The following CACNA1C variants were observed in gnomAD, a reference collection of about 807,000 sequenced individuals.
CACNA1C encodes the protein calcium voltage-gated channel subunit alpha1 C.
In CACNA1C, 30 loss-of-function variants were observed where a neutral mutation model predicts 229.0. That is an observed-to-expected ratio of 0.13 (90% CI 0.10 to 0.18). The LOEUF is 0.18. CACNA1C is among the 10% of genes least tolerant of loss of function. The pLI, the probability that CACNA1C is intolerant of heterozygous loss-of-function variation, is 1.00. For missense variants in CACNA1C, 1,658 were observed against 2,845.0 expected (o/e 0.58, Z 9.49); for synonymous variants, 1,114 against 1,132.5 (o/e 0.98, Z 0.33).
At chr12:2,364,503 G>C (rs2097669258) in intron 3 of CACNA1C, among the ~76,000 whole-genome samples, 1 of 152,186 alleles carries the variant, frequency 6.6e-6, no homozygotes, top group Admixed American at 6.5e-5. Context: ...AAGTTATGTT[G>C]TGGAAATGTG....
intron 42 of CACNA1C, chr12:2,680,662 G>T (rs1308932045): frequency 8.4e-7 from 1 of 1,186,720 alleles, no homozygotes. Context: ...TCCATCCAAG[G>T]AGCAGGCACA....
intron 9 of CACNA1C, among the ~76,000 whole-genome samples, chr12:2,540,201 G>A (rs944415683): frequency 2.0e-5 from 3 of 152,228 alleles, no homozygotes; most frequent in African/African-American, 2.4e-5. Flanking sequence ...CCAGGCCTGG[G>A]GAGAGGGAAG....
At position 1,990,750 on chromosome 12, in the gene CACNA1C, C is replaced by A. The variant is rs79382555; in HGVS notation, c.139+19549C>A. On this transcript the variant is annotated intron_variant, in intron 1 of 46. Transcript: ENST00000682462. ...ATCCTGAGTAAAGCTGAGTTCCTTGCCCAAAGAAAGGCCAACCAATCTATA... is the reference window on the plus strand; with the variant it reads ...ATCCTGAGTAAAGCTGAGTTCCTTGACCAAAGAAAGGCCAACCAATCTATA... Among the ~76,000 whole-genome samples the A allele has an allele frequency of 9.3e-3, 1,415 of 152,196 alleles. 16 individuals are homozygous for A. Among genetic ancestry groups the A allele is most frequent in the African/African-American group, 0.032 (1,332 of 41,518 alleles).
intron 1 of CACNA1C, among the ~76,000 whole-genome samples, chr12:2,039,070 A>C (rs2049642059): frequency 6.6e-6 from 1 of 152,252 alleles, no homozygotes. Flanking sequence ...GGTGCTGTGA[A>C]TATTGGTCTA....
At chr12:2,457,335 G>C (rs2099437833) in intron 4 of CACNA1C, among the ~76,000 whole-genome samples, 1 of 152,348 alleles carries the variant, frequency 6.6e-6, no homozygotes, top group East Asian at 1.9e-4. Context: ...CTGCCCCTCA[G>C]CTCGCTCAGG....
rs1048178316 is a variant in CACNA1C at position 2,694,332 on chromosome 12, T to C, written c.*3133T>C. 1 of 152,150 alleles carries C rather than the reference T, an allele frequency of 6.6e-6. No homozygotes were observed. Among genetic ancestry groups the C allele is most frequent in the African/African-American group, 2.4e-5 (1 of 41,424 alleles). 9.4% of individuals were successfully genotyped at this position (152,150 alleles called of 1,614,324 possible). On this transcript the variant is annotated 3_prime_UTR_variant, in exon 47 of 47. Coordinates refer to ENST00000399655, the MANE Select transcript of CACNA1C (RefSeq NM_000719.7). ...CTTGTAAAACATAATTGTCACATCT[T>C]CCATACCCCTCCTGACAGCCCCCAA...
chr12:2,438,195 C>T (rs1267694640), intron 3 of CACNA1C, among the ~76,000 whole-genome samples: 5 of 107,142 alleles, frequency 4.7e-5, no homozygotes, highest in Admixed American at 9.7e-5. Flanking sequence ...GGGATAATGA[C>T]GGCGATGGTG....
chr12:2,255,239 G>A (rs368517228), intron 3 of CACNA1C, among the ~76,000 whole-genome samples: 13 of 151,380 alleles, frequency 8.6e-5, no homozygotes, highest in Admixed American at 2.0e-4. Context: ...GTGAAATCAC[G>A]GTTATGGGAT....
intron 8 of CACNA1C, among the ~76,000 whole-genome samples, chr12:2,509,365 G>A (rs1424397583): frequency 2.6e-5 from 4 of 152,058 alleles, no homozygotes; most frequent in Non-Finnish European, 5.9e-5. Context: ...TATTCATGAC[G>A]GTTACATTCC....
At chr12:2,612,312 C>A (rs964508346) in intron 29 of CACNA1C, 2 of 339,556 alleles carry the variant, frequency 5.9e-6, no homozygotes, top group Non-Finnish European at 1.1e-5. Flanking sequence ...TGGTCTTTCT[C>A]CTATGTCCCA....
In CACNA1C at chr12:2,639,729, C is replaced by T. The variant is rs1459797610; in HGVS notation, c.3912+5349C>T. Among the ~76,000 whole-genome samples, 2 of 152,130 alleles carry T rather than the reference C, an allele frequency of 1.3e-5. No individual in the cohort carries two copies. The highest frequency in any genetic ancestry group is 3.2e-3 in the Middle Eastern group (1 of 316). On this transcript the variant is annotated intron_variant, in intron 30 of 46. Transcript: ENST00000399655. This position sits in a 1 kb window ranked among gnomAD's most constrained non-coding sequence, Gnocchi z 4.2. ...TGGGTTCTGAGGTGGTGTTTCCTGT[C>T]ATCAGGCGCCCATGGTGTCATGGGG...
rs534072278 is a variant in CACNA1C at position 2,602,964 on chromosome 12, T to A, written c.2960+1004T>A. ...TTTGGAGTTCAGGACATCATGACACTTGCTCAAGGTCACACCTGTGGTAGA... is the reference window on the plus strand; with the variant it reads ...TTTGGAGTTCAGGACATCATGACACATGCTCAAGGTCACACCTGTGGTAGA... On this transcript the variant is annotated intron_variant, in intron 22 of 46. Transcript: ENST00000399655. This position sits in a 1 kb window ranked among gnomAD's most constrained non-coding sequence, Gnocchi z 4.4. Among the ~76,000 whole-genome samples the A allele has an allele frequency of 2.0e-5, 3 of 152,298 alleles. No individual in the cohort carries two copies. In the South Asian group the frequency reaches 6.2e-4, roughly 32 times the overall value.
chr12:2,177,611 T>C (rs1377200029), intron 3 of CACNA1C, among the ~76,000 whole-genome samples: 43 of 108,512 alleles, frequency 4.0e-4, no homozygotes, highest in African/African-American at 1.4e-3. Context: ...CTTCCTTCCT[T>C]CCTTCCTTCC....
chr12:1,971,340 G>A lies in CACNA1C; in HGVS notation c.139+139G>A, dbSNP rs926886924. 17 of 427,358 alleles carry A rather than the reference G, an allele frequency of 4.0e-5. No homozygotes were observed. Among genetic ancestry groups the A allele is most frequent in the South Asian group, 5.0e-5 (2 of 39,910 alleles). 26.5% of individuals were successfully genotyped at this position (427,358 alleles called of 1,614,324 possible). Reference sequence around the variant, plus strand: ...ATTTAATCAGGATTTACCACACACCGTTGTAAAATTTTGCCTGTAACTGCA... The same window carrying A: ...ATTTAATCAGGATTTACCACACACCATTGTAAAATTTTGCCTGTAACTGCA... On this transcript the variant is annotated intron_variant, in intron 1 of 46. Transcript: ENST00000682462. This position sits in a 1 kb window ranked among gnomAD's most constrained non-coding sequence, Gnocchi z 4.2.
chr12:2,240,650 T>C (rs1422938659), intron 3 of CACNA1C, among the ~76,000 whole-genome samples: 3 of 152,188 alleles, frequency 2.0e-5, no homozygotes, highest in Non-Finnish European at 4.4e-5. Flanking sequence ...GTGCCTGATA[T>C]TGGTGACCTT....
intron 43 of CACNA1C, among the ~76,000 whole-genome samples, 189 bp downstream of exon 43, chr12:2,682,867 A>AC (rs1216971582): frequency 1.0e-3 from 3 of 2,858 alleles, no homozygotes; most frequent in South Asian, 0.045. Flanking sequence ...AACACACACA[A>AC]ACACACACAC....
At chr12:2,198,144 A>G (rs556291515) in intron 3 of CACNA1C, among the ~76,000 whole-genome samples, 35 of 152,302 alleles carry the variant, frequency 2.3e-4, no homozygotes, top group Admixed American at 5.2e-4. Context: ...TTGCATCCAA[A>G]GCTGTAGCAC....
At chr12:2,600,128 G>A (rs977483034) in intron 21 of CACNA1C, among the ~76,000 whole-genome samples, 3 of 152,170 alleles carry the variant, frequency 2.0e-5, no homozygotes, top group African/African-American at 7.2e-5. Context: ...AAGGTGGCTG[G>A]GGAAGTACTG....
Position 2,493,224 on chromosome 12 carries a change from G to A in CACNA1C, c.951G>A (p.Ala317=), listed in dbSNP as rs373875149. The A allele has an allele frequency of 1.2e-5, 19 of 1,613,834 alleles. No individual in the cohort carries two copies. The highest frequency in any genetic ancestry group is 6.7e-5 in the Admixed American group (4 of 60,004). The change falls in exon 7 of 47, where the codon GCG becomes GCA. Residue 317 remains alanine, a synonymous_variant. Coordinates refer to ENST00000399655, the MANE Select transcript of CACNA1C (RefSeq NM_000719.7). The surrounding 1 kb of genome is among the most constrained non-coding windows in gnomAD (Gnocchi z 4.6). ...VPAEDDPSPC[A]LETGHGRQCQ... is the part of the protein sequence containing the mutation. The stretch of plus-strand genomic sequence containing the variant: ...CAGAAGATGACCCTTCCCCTTGTGC[G>A]CTGGAAACGGGCCACGGGCGGCAGT...
Sources: allele counts gnomAD v4.1 joint callset (sites outside exome capture counted in the v4.1 genomes callset), GRCh38; gene constraint gnomAD v4.1.1; non-coding constraint Gnocchi (gnomAD v3.1); transcripts MANE v1.5; gene names NCBI Gene and HGNC (gene_info 2026-07-23, HGNC 2026-07-21).